The following TCTN1 variants were observed in gnomAD, a reference collection of about 807,000 sequenced individuals.
TCTN1 encodes tectonic-1.
TCTN1 carries 58 observed loss-of-function variants against 65.8 expected under a neutral mutation model. The ratio of observed to expected loss-of-function variants is 0.88; its 90% confidence interval spans 0.71 to 1.10. The LOEUF (loss-of-function observed/expected upper bound fraction) is 1.10, where lower values mean the gene tolerates loss of function less well. TCTN1 is among the 50% of genes least tolerant of loss of function. The pLI, the probability that TCTN1 is intolerant of heterozygous loss-of-function variation, is 0.00. For missense variants in TCTN1, 645 were observed against 719.4 expected, an observed-to-expected ratio of 0.90 and a Z score of 1.18; for synonymous variants, 273 against 289.1, an observed-to-expected ratio of 0.94 and a Z score of 0.57.
intron 2 of TCTN1, among the ~76,000 whole-genome samples, chr12:110,622,396 C>G (rs891094216): frequency 2.0e-5 from 3 of 152,146 alleles, no homozygotes; most frequent in Non-Finnish European, 4.4e-5. Context: ...GTTAGGCACT[C>G]TCCTGCCTTC....
chr12:110,624,611 T>C, intron 2 of TCTN1, among the ~76,000 whole-genome samples: 1 of 145,304 alleles, frequency 6.9e-6, no homozygotes, highest in African/African-American at 2.6e-5. Flanking sequence ...GGAGAGAGAG[T>C]CTCACTCTGT....
intron 6 of TCTN1, 172 bp from the exon 7 acceptor site, chr12:110,636,309 C>A: frequency 1.8e-6 from 1 of 557,910 alleles, no homozygotes; most frequent in Non-Finnish European, 3.3e-6. Context: ...TTGATTAGGA[C>A]ATAGATTCAA....
At chr12:110,623,782 G>A (rs1049412070) in intron 2 of TCTN1, among the ~76,000 whole-genome samples, 1 of 151,908 alleles carries the variant, frequency 6.6e-6, no homozygotes, top group Non-Finnish European at 1.5e-5. Flanking sequence ...TGTAGAGATC[G>A]GGGTCTGTGT....
chr12:110,614,469 G>T, intron 1 of TCTN1, 67 bp downstream of exon 1: 6 of 1,551,040 alleles, frequency 3.9e-6, no homozygotes, highest in Non-Finnish European at 4.4e-6. Context: ...CCCCGGTGAG[G>T]ACGTAATAAT....
At chr12:110,641,878 C>CT (rs35777323) in intron 10 of TCTN1, 11,220 of 426,288 alleles carry the variant, frequency 0.026, 1 homozygote, top group Middle Eastern at 0.039. Context: ...TTTTAATCTC[C>CT]TTTTTTTTTT....
At chr12:110,643,011 C>G (rs1296105648) in intron 11 of TCTN1, among the ~76,000 whole-genome samples, 2 of 152,106 alleles carry the variant, frequency 1.3e-5, no homozygotes, top group Non-Finnish European at 2.9e-5. Flanking sequence ...CTGCCTTGGC[C>G]TCCCAAGGTG....
chr12:110,619,707 C>A, intron 1 of TCTN1, 129 bp from the exon 2 acceptor site: 1 of 1,461,144 alleles, frequency 6.8e-7, no homozygotes, highest in Non-Finnish European at 9.3e-7. Context: ...CAAATTTCCC[C>A]CAAAGTGCAA....
At position 110,649,179 on chromosome 12, in the gene TCTN1, T is replaced by G; in HGVS notation, c.*138T>G. 5 of 683,394 alleles carry G rather than the reference T, an allele frequency of 7.3e-6. No homozygotes were observed. Among genetic ancestry groups the G allele is most frequent in the Non-Finnish European group, 7.9e-6 (3 of 377,518 alleles). 42.3% of individuals were successfully genotyped at this position (683,394 alleles called of 1,614,324 possible). On this transcript the variant is annotated 3_prime_UTR_variant, in exon 15 of 15. Coordinates refer to ENST00000397659, the MANE Select transcript of TCTN1 (RefSeq NM_001082538.3). The stretch of plus-strand genomic sequence containing the variant: ...TCAATTAAGGCTAAAGTGTTCAACA[T>G]GAGAAAATGTGATACATTTGATACA...
chr12:110,642,485 A>T (rs1173566463), intron 11 of TCTN1, 96 bp downstream of exon 11: 2 of 1,540,854 alleles, frequency 1.3e-6, no homozygotes, highest in Admixed American at 3.4e-5. Flanking sequence ...GCATCAGCTG[A>T]TGAGCTCACA....
intron 1 of TCTN1, chr12:110,616,259 T>A (rs1306816302): frequency 1.3e-5 from 6 of 450,742 alleles, no homozygotes; most frequent in East Asian, 1.4e-4. Context: ...ACTTTATTTT[T>A]TTTTTTTTTG....
At chr12:110,617,620 A>G (rs532994334) in intron 1 of TCTN1, among the ~76,000 whole-genome samples, 1 of 150,418 alleles carries the variant, frequency 6.6e-6, no homozygotes, top group African/African-American at 2.4e-5. Context: ...GCTATGGGAT[A>G]CATTTTTCTT....
At chr12:110,629,538 A>G (rs1400672363) in intron 4 of TCTN1, 2 of 152,318 alleles carry the variant, frequency 1.3e-5, no homozygotes, top group East Asian at 1.9e-4. Flanking sequence ...CAAAACTGCA[A>G]TCAGATACCA....
intron 2 of TCTN1, 75 bp from the exon 3 acceptor site, chr12:110,626,287 C>T (rs923183333): frequency 1.2e-5 from 17 of 1,467,096 alleles, no homozygotes; most frequent in Non-Finnish European, 1.5e-5. Context: ...AAGCATCTGA[C>T]AGTTTTAAAA....
chr12:110,629,061 A>C, intron 4 of TCTN1, 143 bp downstream of exon 4: 1 of 882,340 alleles, frequency 1.1e-6, no homozygotes, highest in Non-Finnish European at 1.8e-6. Context: ...CATGCCTACA[A>C]ATCAAAGATC....
rs779677364 is a variant in TCTN1, at chr12:110,647,249, G to A, written c.1548G>A (p.Val516=). 6.2e-7 allele frequency: 1 copy of A among 1,614,188 alleles called. No individual in the cohort carries two copies. The highest frequency in any genetic ancestry group is 8.5e-7 in the Non-Finnish European group (1 of 1,180,032). ...TCCCAGGGGCTTTGGTTATAGAAGTGAAGTGGACTAAATACGGATCCCTGC... is the reference window on the plus strand; with the variant it reads ...TCCCAGGGGCTTTGGTTATAGAAGTAAAGTGGACTAAATACGGATCCCTGC... ...CQLPGALVIE[V]KWTKYGSLLN... The change falls in exon 13 of 15, where the codon GTG becomes GTA. Residue 516 remains valine, a synonymous_variant. Transcript: ENST00000397659.
At position 110,627,953 on chromosome 12, in the gene TCTN1, A is replaced by T. The variant is rs138275774; in HGVS notation, c.473-814A>T. On this transcript the variant is annotated intron_variant, in intron 3 of 14. Transcript: ENST00000397659. ...AGGCAGATGCTCTGTGTGATTTGTA[A>T]TCTGAAGTGATAACTGGCCAGTGAC... 388 of 1,270,480 alleles carry T rather than the reference A, an allele frequency of 3.1e-4. 1 individual carries two copies. The African/African-American group carries it at 4.9e-3, about 16-fold the overall frequency. The allele number at this position is 1,270,480 out of a possible 1,614,324, so 78.7% of individuals were successfully genotyped here.
At chr12:110,647,526 T>G in intron 13 of TCTN1, 190 bp downstream of exon 13, 1 of 1,008,556 alleles carries the variant, frequency 9.9e-7, no homozygotes, top group Non-Finnish European at 1.5e-6. Context: ...TGGTTCAGAT[T>G]GGATCTTTAA....
chr12:110,648,569 G>GAAATGAGTACAAAAAA (rs1247148737), intron 14 of TCTN1: 1 of 158,494 alleles, frequency 6.3e-6, no homozygotes, highest in Non-Finnish European at 1.4e-5. Context: ...GGGTCCGGTT[G>GAAATGAGTACAAAAAA]AAATGAGTAC....
In TCTN1 at chr12:110,642,345, C is replaced by T. The variant is rs746097128; in HGVS notation, c.1287C>T (p.Thr429=). ...GCTTAGCACTGGAGGGGGTCCGGAC[C>T]CCAGTATTATTTGGTTACACTATGC... The part of the protein sequence containing the change: ...QDCLALEGVR[T]PVLFGYTMQS... The change falls in exon 11 of 15, where the codon ACC becomes ACT. Residue 429 remains threonine (T), a synonymous_variant. Transcript: ENST00000397659. 92 of 1,614,004 alleles carry T rather than the reference C, an allele frequency of 5.7e-5. No homozygotes were observed. The East Asian group carries it at 1.9e-3, about 34-fold the overall frequency.
Sources: gnomAD v4.1 joint callset for allele counts (sites outside exome capture counted in the v4.1 genomes callset) on GRCh38, gnomAD v4.1.1 for gene constraint, MANE v1.5 for transcripts, NCBI Gene and HGNC (gene_info 2026-07-23, HGNC 2026-07-21) for gene names.